PCDHA13: variants seen among roughly 807,000 people sequenced by gnomAD.
PCDHA13 encodes the protein protocadherin alpha 13, also known as protocadherin alpha-13.
A neutral mutation model predicts 64.8 loss-of-function variants in PCDHA13; 54 were observed. The observed-to-expected ratio is 0.83, with a 90% CI of 0.67 to 1.04. The LOEUF is 1.04. Ranked by LOEUF, PCDHA13 falls within the 50% of genes least tolerant of loss-of-function variation. PCDHA13 has a pLI of 0.00. For synonymous variants in PCDHA13, 587 were observed against 564.4 expected (o/e 1.04, Z -0.57); for missense variants, 1,248 against 1,254.3 (o/e 0.99, Z 0.08).
intron 1 of PCDHA13, among the ~76,000 whole-genome samples, chr5:140,910,560 G>A (rs1369178001): frequency 6.6e-6 from 1 of 152,160 alleles, no homozygotes; most frequent in East Asian, 1.9e-4. Flanking sequence ...ATTAGTCAAG[G>A]ATATATTTTC....
At chr5:141,007,839 A>C (rs782046722) in intron 3 of PCDHA13, among the ~76,000 whole-genome samples, 2 of 152,226 alleles carry the variant, frequency 1.3e-5, no homozygotes, top group Non-Finnish European at 2.9e-5. Context: ...TACCCATTAG[A>C]GACTCAAAGT....
intron 3 of PCDHA13, among the ~76,000 whole-genome samples, chr5:141,006,729 T>A (rs1554260883): frequency 2.0e-5 from 3 of 151,948 alleles, no homozygotes; most frequent in Non-Finnish European, 4.4e-5. Flanking sequence ...AAATGACAGG[T>A]CTTGATGATG....
intron 1 of PCDHA13, among the ~76,000 whole-genome samples, chr5:140,944,191 G>A (rs181232402): frequency 6.6e-6 from 1 of 151,980 alleles, no homozygotes. Flanking sequence ...GGTTTGTTTT[G>A]TTTTGTTTTG....
At position 140,928,406 on chromosome 5, in the gene PCDHA13, G is replaced by T. The variant is rs782285182; in HGVS notation, c.2394+43744G>T. On this transcript the variant is annotated intron_variant, in intron 1 of 3. Coordinates refer to ENST00000289272, the MANE Select transcript of PCDHA13 (RefSeq NM_018904.3). ...TTGCTGGCAGTGGAATCATCCAGTG[G>T]GGCCATCACTGCCAAAACTTCCTTT... 3 of 1,614,050 alleles carry T rather than the reference G, an allele frequency of 1.9e-6. No individual in the cohort carries two copies. The Admixed American group carries it at 5.0e-5, about 27-fold the overall frequency.
At chr5:140,896,673 G>A (rs962137649) in intron 1 of PCDHA13, among the ~76,000 whole-genome samples, 12 of 152,000 alleles carry the variant, frequency 7.9e-5, no homozygotes, top group Admixed American at 2.6e-4. Context: ...CACTGTGCCC[G>A]GCCCTTTGCC....
chr5:140,886,317 G>A (rs1323122893), intron 1 of PCDHA13, among the ~76,000 whole-genome samples: 2 of 151,612 alleles, frequency 1.3e-5, no homozygotes, highest in Non-Finnish European at 2.9e-5. Context: ...TACACTTTAA[G>A]TTCTGGGATA....
chr5:140,956,809 T>C (rs868918745), intron 1 of PCDHA13, among the ~76,000 whole-genome samples: 2 of 152,198 alleles, frequency 1.3e-5, no homozygotes, highest in Non-Finnish European at 1.5e-5. Flanking sequence ...TATTTATTAT[T>C]GCTTCAATTT....
intron 3 of PCDHA13, among the ~76,000 whole-genome samples, chr5:141,007,654 C>T (rs1461130528): frequency 6.6e-6 from 1 of 152,052 alleles, no homozygotes; most frequent in Non-Finnish European, 1.5e-5. Context: ...CCTAAAAAAC[C>T]ATAAATTTAC....
chr5:140,939,246 C>A (rs536477969), intron 1 of PCDHA13, among the ~76,000 whole-genome samples: 1 of 152,112 alleles, frequency 6.6e-6, no homozygotes, highest in South Asian at 2.1e-4. Context: ...AGCAAGGTAG[C>A]TCTCTGGAAC....
intron 1 of PCDHA13, among the ~76,000 whole-genome samples, chr5:140,924,615 C>G (rs142536325): frequency 6.6e-6 from 1 of 152,150 alleles, no homozygotes; most frequent in African/African-American, 2.4e-5. Flanking sequence ...ATGCCAGGTG[C>G]GGTGGCATGG....
chr5:141,010,374 C>A lies in PCDHA13; in HGVS notation c.*437C>A. 2 of 1,459,768 alleles carry A rather than the reference C, an allele frequency of 1.4e-6. No homozygotes were observed. Among genetic ancestry groups the A allele is most frequent in the South Asian group, 1.4e-5 (1 of 73,044 alleles). 90.4% of individuals were successfully genotyped at this position (1,459,768 alleles called of 1,614,324 possible). On this transcript the variant is annotated 3_prime_UTR_variant, in exon 4 of 4. Coordinates refer to ENST00000289272, the MANE Select transcript of PCDHA13 (RefSeq NM_018904.3). ...TGTGGCTACCGCGGGTATGCGAGTG[C>A]CAGATATTGGCTGAGACGAGCCAGC...
rs371124724 is a variant in PCDHA13, at chr5:140,884,136, G to A, written c.1868G>A (p.Arg623His). Residue 623 changes from arginine to histidine, a missense_variant, in exon 1 of 4, where the codon CGC (arginine) becomes CAC (histidine). Coordinates refer to ENST00000289272, the MANE Select transcript of PCDHA13 (RefSeq NM_018904.3). ...LAAVGARIPF[R>H]VGLYTGEIST... ...GCGGTCGGCGCGCGCATCCCGTTCCGCGTGGGGCTGTACACTGGCGAGATC... is the reference window on the plus strand; with the variant it reads ...GCGGTCGGCGCGCGCATCCCGTTCCACGTGGGGCTGTACACTGGCGAGATC... The A allele has an allele frequency of 1.2e-6, 2 of 1,613,282 alleles. No individual in the cohort carries two copies. Among genetic ancestry groups the A allele is most frequent in the Non-Finnish European group, 1.7e-6 (2 of 1,179,756 alleles).
intron 1 of PCDHA13, among the ~76,000 whole-genome samples, chr5:140,930,820 A>T (rs2153606213): frequency 6.6e-6 from 1 of 152,346 alleles, no homozygotes; most frequent in East Asian, 1.9e-4. Flanking sequence ...TGCTTAGTAA[A>T]TGCTGACTGA....
intron 1 of PCDHA13, among the ~76,000 whole-genome samples, chr5:140,918,298 A>G (rs2078622610): frequency 6.6e-6 from 1 of 152,150 alleles, no homozygotes; most frequent in Non-Finnish European, 1.5e-5. Context: ...GGCAGAGAAT[A>G]TAGGGTTTTC....
intron 1 of PCDHA13, among the ~76,000 whole-genome samples, chr5:140,950,428 T>G (rs408652): frequency 0.56 from 85,077 of 151,214 alleles, 24,477 homozygotes; most frequent in African/African-American, 0.69. Context: ...TTTCTTCCAC[T>G]TAAAAAAAAT....
chr5:141,003,406 G>A (rs2098122557), intron 3 of PCDHA13, among the ~76,000 whole-genome samples: 1 of 152,134 alleles, frequency 6.6e-6, no homozygotes, highest in African/African-American at 2.4e-5. Flanking sequence ...CCGCCTCCCG[G>A]GTTCGAGTGA....
chr5:140,982,265 G>A lies in PCDHA13; in HGVS notation c.2454-210G>A, dbSNP rs2096974278. ...ATAAAGATAGAACATGTGTGTTCCT[G>A]GAATAGTATAGCAGGCAATAAGTAA... On this transcript the variant is annotated intron_variant, in intron 2 of 3. Transcript: ENST00000289272. 7 of 870,768 alleles carry A rather than the reference G, an allele frequency of 8.0e-6. No individual in the cohort carries two copies. In the Admixed American group the frequency reaches 1.6e-4, roughly 20 times the overall value. 53.9% of individuals were successfully genotyped at this position (870,768 alleles called of 1,614,324 possible).
intron 1 of PCDHA13, among the ~76,000 whole-genome samples, chr5:140,957,202 A>G (rs75358038): frequency 1.8e-4 from 28 of 152,316 alleles, no homozygotes; most frequent in Non-Finnish European, 2.9e-4. Flanking sequence ...TGGGAATATA[A>G]ATAGGCACAA....
intron 1 of PCDHA13, chr5:140,928,542 C>A: frequency 6.2e-7 from 1 of 1,614,158 alleles, no homozygotes; most frequent in Non-Finnish European, 8.5e-7. Flanking sequence ...ATAGGAATGA[C>A]AATTATCCGG....
Sources: allele counts gnomAD v4.1 joint callset (sites outside exome capture counted in the v4.1 genomes callset), GRCh38; gene constraint gnomAD v4.1.1; transcripts MANE v1.5; gene names NCBI Gene and HGNC (gene_info 2026-07-23, HGNC 2026-07-21).